KIRREL1: variants seen among roughly 807,000 people sequenced by gnomAD.
KIRREL1 encodes the protein kin of IRRE-like protein 1.
Under a neutral mutation model 83.3 loss-of-function variants are expected in KIRREL1, and 25 were observed. The observed-to-expected ratio is 0.30, with a 90% CI of 0.22 to 0.42. KIRREL1 has a LOEUF of 0.42. Among genes scored for constraint, KIRREL1 ranks in the 10% least tolerant of loss-of-function variants. The probability of loss-of-function intolerance (pLI) is 1.00; values close to 1 mark genes in which losing one functional copy is unlikely to be tolerated. For synonymous variants in KIRREL1, 388 were observed against 410.4 expected (o/e 0.95, Z 0.66); for missense variants, 812 against 1,032.3 (o/e 0.79, Z 2.92).
intron 1 of KIRREL1, among the ~76,000 whole-genome samples, chr1:158,058,520 C>A (rs991597138): frequency 6.6e-6 from 1 of 152,146 alleles, no homozygotes; most frequent in Non-Finnish European, 1.5e-5. Context: ...CTCAAAGTGA[C>A]CCCCATGGAT....
At position 158,086,738 on chromosome 1, in the gene KIRREL1, A is replaced by G; in HGVS notation, c.653A>G (p.Asp218Gly). 6.5e-7 allele frequency: 1 copy of G among 1,547,304 alleles called. No homozygotes were observed. The highest frequency in any genetic ancestry group is 2.5e-5 in the East Asian group (1 of 40,132). Reference protein sequence around the residue: ...PSGKETSIELDVHHPPTVTLS... With the variant: ...PSGKETSIELGVHHPPTVTLS... The stretch of plus-strand genomic sequence containing the variant: ...GGCAAGGAGACTTCCATCGAGCTGG[A>G]TGTGCACCGTGAGTGGGCTGGGGGG... The change falls in exon 5 of 15, where the codon GAT (aspartate) becomes GGT (glycine). Residue 218 changes from aspartate to glycine, a missense_variant. Coordinates refer to ENST00000359209, the MANE Select transcript of KIRREL1 (RefSeq NM_018240.7).
chr1:158,039,617 A>G (rs878913690), intron 1 of KIRREL1, among the ~76,000 whole-genome samples: 3 of 152,124 alleles, frequency 2.0e-5, no homozygotes, highest in Admixed American at 6.5e-5. Flanking sequence ...TTTTTCCCCA[A>G]TCATGCCAAT....
Position 158,010,966 on chromosome 1 carries a change from G to A in KIRREL1, c.52+17238G>A, listed in dbSNP as rs576776989. On this transcript the variant is annotated intron_variant, in intron 1 of 14. Transcript: ENST00000359209. ...AATTCCAGACATTTAAAATTCTTTT[G>A]GTTTTAATCATCTCAGAGGCTGACC... 2.6e-5 allele frequency among the ~76,000 whole-genome samples: 4 copies of A among 152,256 alleles called. No individual in the cohort carries two copies. In the East Asian group the frequency reaches 5.8e-4, roughly 22 times the overall value.
chr1:158,038,254 A>T (rs778401598), intron 1 of KIRREL1, among the ~76,000 whole-genome samples: 3 of 151,698 alleles, frequency 2.0e-5, no homozygotes, highest in Non-Finnish European at 4.4e-5. Context: ...TGAGTCTTCC[A>T]CTCTGTGCCC....
chr1:158,025,197 C>G (rs991136946), intron 1 of KIRREL1, among the ~76,000 whole-genome samples: 1 of 152,140 alleles, frequency 6.6e-6, no homozygotes, highest in African/African-American at 2.4e-5. Flanking sequence ...CCCCCATTCT[C>G]TCTTCCCACC....
chr1:158,062,389 G>T lies in KIRREL1; in HGVS notation c.53-13724G>T, dbSNP rs1386978712. Among the ~76,000 whole-genome samples the T allele has an allele frequency of 2.0e-5, 3 of 152,226 alleles. No individual in the cohort carries two copies. In the East Asian group the frequency reaches 5.8e-4, roughly 29 times the overall value. On this transcript the variant is annotated intron_variant, in intron 1 of 14. Coordinates refer to ENST00000359209, the MANE Select transcript of KIRREL1 (RefSeq NM_018240.7). ...CTCCAGGCTTCCTCAGCTCCCTGCA[G>T]CAAATTAACATTCTGTGCCCCCTGT...
At chr1:158,044,261 C>T (rs2101583575) in intron 1 of KIRREL1, among the ~76,000 whole-genome samples, 1 of 152,218 alleles carries the variant, frequency 6.6e-6, no homozygotes, top group African/African-American at 2.4e-5. Flanking sequence ...TTCTGTCTGC[C>T]TCCAGAGCCA....
At position 158,099,017 on chromosome 1, in the gene KIRREL1, A is replaced by G. The variant is rs572870374; in HGVS notation, c.*3897A>G. On this transcript the variant is annotated 3_prime_UTR_variant, in exon 15 of 15. Transcript: ENST00000359209. Reference sequence around the variant, plus strand: ...GTTTGAAGAAAACCACATTAAAGCCAAGACCCGTTTGGAGCGAACTGCCTT... The same window carrying G: ...GTTTGAAGAAAACCACATTAAAGCCGAGACCCGTTTGGAGCGAACTGCCTT... The G allele has an allele frequency of 3.3e-5, 5 of 152,364 alleles. No homozygotes were observed. Among genetic ancestry groups the G allele is most frequent in the Admixed American group, 2.6e-4 (4 of 15,294 alleles). The allele number at this position is 152,364 out of a possible 1,614,324, so 9.4% of individuals were successfully genotyped here.
chr1:158,058,341 C>T (rs1661122491), intron 1 of KIRREL1, among the ~76,000 whole-genome samples: 1 of 152,196 alleles, frequency 6.6e-6, no homozygotes, highest in African/African-American at 2.4e-5. Context: ...TGCTGCTGTT[C>T]AGCTGACACC....
At chr1:158,008,143 C>T (rs1447082833) in intron 1 of KIRREL1, among the ~76,000 whole-genome samples, 1 of 152,050 alleles carries the variant, frequency 6.6e-6, no homozygotes, top group African/African-American at 2.4e-5. Flanking sequence ...ACCTCCTGCT[C>T]CTAGCCGGCA....
At chr1:158,005,649 C>G (rs368122903) in intron 1 of KIRREL1, among the ~76,000 whole-genome samples, 1 of 151,916 alleles carries the variant, frequency 6.6e-6, no homozygotes, top group Non-Finnish European at 1.5e-5. Flanking sequence ...ACCCTGTTGG[C>G]TTTGGCTTAA....
At chr1:158,005,251 G>C (rs1659483733) in intron 1 of KIRREL1, among the ~76,000 whole-genome samples, 1 of 152,184 alleles carries the variant, frequency 6.6e-6, no homozygotes, top group Non-Finnish European at 1.5e-5. Context: ...ACTGAATTCA[G>C]TTTTCAGCCA....
At chr1:158,082,795 TCG>T (rs1222051448) in intron 3 of KIRREL1, among the ~76,000 whole-genome samples, 1 of 151,926 alleles carries the variant, frequency 6.6e-6, no homozygotes, top group Non-Finnish European at 1.5e-5. Flanking sequence ...TAGCGAAACC[TCG>T]TCTCTACAAA....
At chr1:158,070,159 G>C (rs1456006235) in intron 1 of KIRREL1, among the ~76,000 whole-genome samples, 1 of 152,206 alleles carries the variant, frequency 6.6e-6, no homozygotes, top group African/African-American at 2.4e-5. Flanking sequence ...GTTAAGATGG[G>C]AGTGTAAGCT....
rs187012483 is a variant in KIRREL1 at position 158,091,506 on chromosome 1, C to T, written c.1421C>T (p.Ala474Val). Reference protein sequence around the residue: ...ADFQTHYNCTAWNSFGPGTAI... With the variant: ...ADFQTHYNCTVWNSFGPGTAI... ...TTTCAGACTCACTACAACTGCACCGCCTGGAACAGCTTCGGGCCAGGCACA... is the reference window on the plus strand; with the variant it reads ...TTTCAGACTCACTACAACTGCACCGTCTGGAACAGCTTCGGGCCAGGCACA... Residue 474 changes from alanine (A) to valine (V), a missense_variant, in exon 11 of 15, where the codon GCC becomes GTC. By Grantham distance (64) the Ala-to-Val change is moderately conservative. This residue lies in a region of KIRREL1 where 6 missense variants were observed against 21.8 expected (regional missense o/e 0.28). Transcript: ENST00000359209. 1.2e-6 allele frequency: 2 copies of T among 1,614,254 alleles called. No homozygotes were observed. The highest frequency in any genetic ancestry group is 1.3e-5 in the African/African-American group (1 of 75,076).
At chr1:158,073,041 G>C (rs943078156) in intron 1 of KIRREL1, among the ~76,000 whole-genome samples, 1 of 152,152 alleles carries the variant, frequency 6.6e-6, no homozygotes, top group Non-Finnish European at 1.5e-5. Context: ...GACTTGGGGC[G>C]TTCCTGTAAT....
intron 1 of KIRREL1, among the ~76,000 whole-genome samples, chr1:158,054,061 A>G (rs935988155): frequency 6.6e-6 from 1 of 151,888 alleles, no homozygotes; most frequent in African/African-American, 2.4e-5. Context: ...AAATAAAAAA[A>G]TTAGCCAGGT....
chr1:158,024,588 G>C (rs528821303), intron 1 of KIRREL1, among the ~76,000 whole-genome samples: 1 of 152,104 alleles, frequency 6.6e-6, no homozygotes, highest in Non-Finnish European at 1.5e-5. Context: ...TGAGACACAG[G>C]GTTTTGAACA....
intron 1 of KIRREL1, among the ~76,000 whole-genome samples, chr1:157,994,381 A>T (rs1295040911): frequency 1.5e-5 from 2 of 132,842 alleles, no homozygotes; most frequent in African/African-American, 5.6e-5. Flanking sequence ...GGCCCGCTTG[A>T]TACAGAGGGG....
Sources: allele counts gnomAD v4.1 joint callset (sites outside exome capture counted in the v4.1 genomes callset), GRCh38; gene constraint gnomAD v4.1.1; regional missense constraint gnomAD v4.1.1; transcripts MANE v1.5; gene names NCBI Gene and HGNC (gene_info 2026-07-23, HGNC 2026-07-21).